The following INPP4B variants were observed in gnomAD, a reference collection of about 807,000 sequenced individuals.
INPP4B encodes the protein inositol polyphosphate 4-phosphatase type II.
A neutral mutation model predicts 122.5 loss-of-function variants in INPP4B; 55 were observed. The ratio of observed to expected loss-of-function variants is 0.45; its 90% CI spans 0.36 to 0.56. The LOEUF (loss-of-function observed/expected upper bound fraction) is 0.56, where lower values mean the gene tolerates loss of function less well. INPP4B is among the 20% of genes least tolerant of loss of function. The probability of loss-of-function intolerance (pLI) is 0.00; values close to 1 mark genes in which losing one functional copy is unlikely to be tolerated. For missense variants in INPP4B, 1,000 were observed against 1,097.7 expected, an observed-to-expected ratio of 0.91 and a Z score of 1.26; for synonymous variants, 403 against 388.7, an observed-to-expected ratio of 1.04 and a Z score of -0.43.
chr4:142,111,332 T>C (rs2152699760), intron 22 of INPP4B, among the ~76,000 whole-genome samples: 1 of 152,170 alleles, frequency 6.6e-6, no homozygotes, highest in African/African-American at 2.4e-5. Flanking sequence ...ATTTCAAAAG[T>C]ATGTTCTATG....
intron 1 of INPP4B, among the ~76,000 whole-genome samples, chr4:142,734,739 G>A (rs1009567870): frequency 6.6e-5 from 10 of 152,088 alleles, no homozygotes; most frequent in Non-Finnish European, 7.4e-5. Flanking sequence ...TCCGCCTCCC[G>A]GGATCGAGCG....
chr4:142,028,663 A>G lies in INPP4B; in HGVS notation c.*119T>C, dbSNP rs1737806705. On this transcript the variant is annotated 3_prime_UTR_variant, in exon 26 of 26. Coordinates refer to ENST00000262992, the MANE Select transcript of INPP4B (RefSeq NM_001101669.3). ...AAGTAGTTCCTAGATTTTGGGAAACATCTGTGATCATCTCCCCCACCACAA... is the reference window on the plus strand; with the variant it reads ...AAGTAGTTCCTAGATTTTGGGAAACGTCTGTGATCATCTCCCCCACCACAA... 1 of 1,033,494 alleles carries G rather than the reference A, an allele frequency of 9.7e-7. No individual in the cohort carries two copies. Among genetic ancestry groups the G allele is most frequent in the Non-Finnish European group, 1.4e-6 (1 of 707,148 alleles). 64.0% of individuals were successfully genotyped at this position (1,033,494 alleles called of 1,614,324 possible).
intron 2 of INPP4B, among the ~76,000 whole-genome samples, chr4:142,548,992 C>A (rs1453780122): frequency 6.6e-6 from 1 of 152,032 alleles, no homozygotes; most frequent in East Asian, 1.9e-4. Flanking sequence ...TCTAGAATTA[C>A]ACAATGTCAG....
chr4:142,395,723 T>TA, intron 7 of INPP4B, among the ~76,000 whole-genome samples: 1 of 152,252 alleles, frequency 6.6e-6, no homozygotes, highest in Admixed American at 6.5e-5. Context: ...TATTTAGCCT[T>TA]AAAAAATAGG....
At chr4:142,359,286 A>G (rs1159605905) in intron 7 of INPP4B, among the ~76,000 whole-genome samples, 1 of 151,866 alleles carries the variant, frequency 6.6e-6, no homozygotes, top group Non-Finnish European at 1.5e-5. Context: ...CCACTAAACA[A>G]CTAATTGCAA....
At chr4:142,098,118 G>A (rs1578889516) in intron 23 of INPP4B, among the ~76,000 whole-genome samples, 1 of 152,092 alleles carries the variant, frequency 6.6e-6, no homozygotes, top group Admixed American at 6.6e-5. Context: ...ACTTAGAGGA[G>A]GTGAGTGAGT....
chr4:142,046,082 TA>T (rs1255367993), intron 25 of INPP4B, among the ~76,000 whole-genome samples: 1 of 151,866 alleles, frequency 6.6e-6, no homozygotes, highest in Non-Finnish European at 1.5e-5. Context: ...AAAAAATGTG[TA>T]AACCAATATT....
chr4:142,502,449 G>A (rs1013918396), intron 2 of INPP4B, among the ~76,000 whole-genome samples: 2 of 152,012 alleles, frequency 1.3e-5, no homozygotes, highest in Non-Finnish European at 2.9e-5. Context: ...TTATAATTTT[G>A]TCTGCAACTT....
chr4:142,555,080 A>G (rs1728853432), intron 2 of INPP4B, among the ~76,000 whole-genome samples: 1 of 152,180 alleles, frequency 6.6e-6, no homozygotes, highest in Non-Finnish European at 1.5e-5. Flanking sequence ...AGAATCCAAC[A>G]CATCCAATTG....
At chr4:142,706,428 T>A (rs774574648) in intron 2 of INPP4B, among the ~76,000 whole-genome samples, 2 of 152,238 alleles carry the variant, frequency 1.3e-5, no homozygotes, top group Non-Finnish European at 2.9e-5. Context: ...ATAAGTTCGG[T>A]TGCTTAATGG....
chr4:142,102,873 C>G (rs555418181), intron 23 of INPP4B, among the ~76,000 whole-genome samples: 1 of 152,088 alleles, frequency 6.6e-6, no homozygotes, highest in African/African-American at 2.4e-5. Flanking sequence ...CTGAAATTTC[C>G]AACTGTCTTT....
intron 3 of INPP4B, among the ~76,000 whole-genome samples, chr4:142,456,308 C>T (rs1385067626): frequency 6.6e-6 from 1 of 151,872 alleles, no homozygotes; most frequent in East Asian, 1.9e-4. Context: ...ATCTTTAATT[C>T]ATTTTGATTT....
At chr4:142,568,636 G>A (rs1351930431) in intron 2 of INPP4B, among the ~76,000 whole-genome samples, 1 of 151,822 alleles carries the variant, frequency 6.6e-6, no homozygotes, top group Non-Finnish European at 1.5e-5. Flanking sequence ...TCAAAATAAG[G>A]TCTCTTTGCC....
At chr4:142,793,274 T>C (rs1015239245) in intron 1 of INPP4B, among the ~76,000 whole-genome samples, 3 of 152,086 alleles carry the variant, frequency 2.0e-5, no homozygotes, top group African/African-American at 7.2e-5. Flanking sequence ...GAAAGTCCAC[T>C]AGACTCTAAA....
chr4:142,706,105 C>A (rs1489803898), intron 2 of INPP4B, among the ~76,000 whole-genome samples: 1 of 152,202 alleles, frequency 6.6e-6, no homozygotes, highest in Non-Finnish European at 1.5e-5. Context: ...TTCCATTCTA[C>A]CTAAACTTCA....
intron 3 of INPP4B, among the ~76,000 whole-genome samples, chr4:142,432,071 C>A (rs1809443750): frequency 6.6e-6 from 1 of 152,022 alleles, no homozygotes; most frequent in Non-Finnish European, 1.5e-5. Context: ...GAAAGAAAGA[C>A]TCTCCAAGAA....
chr4:142,260,358 T>C, intron 11 of INPP4B, 134 bp downstream of exon 11: 1 of 670,794 alleles, frequency 1.5e-6, no homozygotes, highest in Non-Finnish European at 2.7e-6. Context: ...CGCATTCTGC[T>C]GGCCCCTTAT....
intron 25 of INPP4B, among the ~76,000 whole-genome samples, chr4:142,053,695 C>T (rs1246362706): frequency 6.6e-6 from 1 of 152,040 alleles, no homozygotes; most frequent in Non-Finnish European, 1.5e-5. Flanking sequence ...TGAATGATAA[C>T]CTAGACCTAG....
intron 1 of INPP4B, among the ~76,000 whole-genome samples, chr4:142,790,724 AATAT>A (rs1776428002): frequency 6.6e-6 from 1 of 152,066 alleles, no homozygotes; most frequent in Non-Finnish European, 1.5e-5. Context: ...TTTATTTAAA[AATAT>A]ATATTAATAT....
Sources: allele counts gnomAD v4.1 joint callset (sites outside exome capture counted in the v4.1 genomes callset), GRCh38; gene constraint gnomAD v4.1.1; transcripts MANE v1.5; gene names NCBI Gene and HGNC (gene_info 2026-07-23, HGNC 2026-07-21).